The following PPP1R3A variants were observed in gnomAD, a reference collection of about 807,000 sequenced individuals.
PPP1R3A encodes RG1.
Under a neutral mutation model 41.7 loss-of-function variants are expected in PPP1R3A, and 29 were observed. The ratio of observed to expected loss-of-function variants is 0.70; its 90% CI spans 0.52 to 0.95. PPP1R3A has a LOEUF of 0.95. PPP1R3A is among the 40% of genes least tolerant of loss of function. The pLI is 0.00. For missense variants in PPP1R3A, 1,352 were observed against 1,292.4 expected (o/e 1.05, Z -0.71); for synonymous variants, 485 against 453.4 (o/e 1.07, Z -0.89).
chr7:113,894,304 G>A (rs1351274829), intron 1 of PPP1R3A, among the ~76,000 whole-genome samples: 1 of 151,952 alleles, frequency 6.6e-6, no homozygotes, highest in East Asian at 1.9e-4. Context: ...ATTACAACCT[G>A]CCAATCATAT....
intron 1 of PPP1R3A, among the ~76,000 whole-genome samples, chr7:113,887,901 G>A (rs1796813209): frequency 6.6e-6 from 1 of 152,006 alleles, no homozygotes; most frequent in Non-Finnish European, 1.5e-5. Context: ...CATGGTGGCA[G>A]GCACCTGTAA....
At chr7:113,886,280 G>A (rs974763564) in intron 1 of PPP1R3A, among the ~76,000 whole-genome samples, 1 of 152,086 alleles carries the variant, frequency 6.6e-6, no homozygotes, top group Admixed American at 6.6e-5. Context: ...AGAACCCAGA[G>A]GGAGGTGATT....
chr7:113,896,145 T>C (rs981197128), intron 1 of PPP1R3A, among the ~76,000 whole-genome samples: 3 of 151,952 alleles, frequency 2.0e-5, no homozygotes, highest in Admixed American at 6.6e-5. Context: ...CTTCTTAATA[T>C]GCAAATTATG....
At chr7:113,891,084 CAAAAAAA>C (rs11342726) in intron 1 of PPP1R3A, among the ~76,000 whole-genome samples, 2 of 79,788 alleles carry the variant, frequency 2.5e-5, no homozygotes, top group Non-Finnish European at 4.5e-5. Flanking sequence ...GGAAAAAAAG[CAAAAAAA>C]AAAAAAAAAA....
rs1209161741 is a variant in PPP1R3A, at chr7:113,916,624, T to C, written c.782+1591A>G. ...TTTATGAGCTTTTAGACAATAATGC[T>C]GCGCCTTTTCTAAATTTTGGTTTCT... On this transcript the variant is annotated intron_variant, in intron 1 of 3. Transcript: ENST00000284601. Among the ~76,000 whole-genome samples, 4 of 152,108 alleles carry C rather than the reference T, an allele frequency of 2.6e-5. No homozygotes were observed. The East Asian group carries it at 5.8e-4, about 22-fold the overall frequency.
intron 1 of PPP1R3A, among the ~76,000 whole-genome samples, chr7:113,903,401 C>T (rs76823247): frequency 4.0e-5 from 6 of 151,426 alleles, no homozygotes; most frequent in Non-Finnish European, 7.4e-5. Context: ...AAGGATGAAA[C>T]CCATGTTTTA....
intron 1 of PPP1R3A, among the ~76,000 whole-genome samples, chr7:113,903,551 C>G (rs547582030): frequency 1.3e-5 from 2 of 151,710 alleles, no homozygotes; most frequent in South Asian, 4.2e-4. Context: ...AATGAAGGAC[C>G]ATTCGTATAA....
In PPP1R3A at chr7:113,882,176, T is replaced by C. The variant is rs761298779; in HGVS notation, c.842-13A>G. On this transcript the variant is annotated splice_polypyrimidine_tract_variant and intron_variant, in intron 2 of 3. Transcript: ENST00000284601. ...GGGATATAGGTATCTGAAAAGTTAA[T>C]ATAATTGTGCCTATGTAAGATTGTT... 31 of 1,610,148 alleles carry C rather than the reference T, an allele frequency of 1.9e-5. No homozygotes were observed. The highest frequency in any genetic ancestry group is 2.4e-5 in the Non-Finnish European group (28 of 1,177,144).
At chr7:113,895,233 C>G (rs985086400) in intron 1 of PPP1R3A, among the ~76,000 whole-genome samples, 1 of 151,900 alleles carries the variant, frequency 6.6e-6, no homozygotes, top group Admixed American at 6.6e-5. Context: ...ATAGCCCTCC[C>G]ATTATCTGGA....
At chr7:113,881,361 A>C (rs2129113804) in intron 3 of PPP1R3A, among the ~76,000 whole-genome samples, 1 of 152,136 alleles carries the variant, frequency 6.6e-6, no homozygotes, top group East Asian at 1.9e-4. Context: ...GTAAAGGATA[A>C]ATTGCATTAT....
At chr7:113,881,196 C>A (rs940572994) in intron 3 of PPP1R3A, among the ~76,000 whole-genome samples, 1 of 151,996 alleles carries the variant, frequency 6.6e-6, no homozygotes, top group Non-Finnish European at 1.5e-5. Context: ...GATGCAGCTC[C>A]GCGATCACTA....
chr7:113,877,826 A>G lies in PPP1R3A; in HGVS notation c.3266T>C (p.Val1089Ala). ...GCCAATCATTAAGTCATAATGGTAG[A>G]CAGTTATAAGAAATATCAGAAACAA... is the stretch of plus-strand genomic sequence containing the variant. ...FLLFLIFLITVYHYDLMIGLT... is the reference protein window; with the variant it reads ...FLLFLIFLITAYHYDLMIGLT... Residue 1089 changes from valine (V) to alanine (A), a missense_variant, in exon 4 of 4, where the codon GTC becomes GCC. Transcript: ENST00000284601. 6 of 1,609,000 alleles carry G rather than the reference A, an allele frequency of 3.7e-6. No homozygotes were observed. Among genetic ancestry groups the G allele is most frequent in the South Asian group, 1.1e-5 (1 of 90,948 alleles).
chr7:113,886,340 G>A (rs1796784469), intron 1 of PPP1R3A, among the ~76,000 whole-genome samples: 2 of 151,994 alleles, frequency 1.3e-5, no homozygotes, highest in African/African-American at 4.8e-5. Context: ...TAGTAAATGA[G>A]TCTCATGAGA....
chr7:113,879,728 C>G lies in PPP1R3A; in HGVS notation c.1364G>C (p.Cys455Ser). The G allele has an allele frequency of 6.2e-7, 1 of 1,613,224 alleles. No homozygotes were observed. Among genetic ancestry groups the G allele is most frequent in the Non-Finnish European group, 8.5e-7 (1 of 1,179,678 alleles). Reference protein sequence around the residue: ...AHGNGTVQIPCPSSDQLMAGN... With the variant: ...AHGNGTVQIPSPSSDQLMAGN... ...TGCCATTAGTTGATCTGAAGAGGGG[C>G]AAGGTATTTGCACTGTGCCATTGCC... The change falls in exon 4 of 4, where the codon TGC becomes TCC. Residue 455 changes from cysteine (C) to serine (S), a missense_variant. Transcript: ENST00000284601.
rs1796627991 is a variant in PPP1R3A, at chr7:113,878,956, T to C, written c.2136A>G (p.Glu712=). The part of the protein sequence containing the change: ...LFTCQETVCC[E]LSSLADHGIT... ...TGCCATGATCAGCTAGAGAAGACAG[T>C]TCACAGCACACTGTTTCTTGGCAGG... Residue 712 remains glutamate (E), a synonymous_variant, in exon 4 of 4, where the codon GAA becomes GAG. Coordinates refer to ENST00000284601, the MANE Select transcript of PPP1R3A (RefSeq NM_002711.4). 1.9e-6 allele frequency: 3 copies of C among 1,613,280 alleles called. No homozygotes were observed. In the South Asian group the frequency reaches 3.3e-5, roughly 18 times the overall value.
chr7:113,882,157 T>C lies in PPP1R3A; in HGVS notation c.848A>G (p.Tyr283Cys). The C allele has an allele frequency of 1.2e-6, 2 of 1,611,410 alleles. No homozygotes were observed. The highest frequency in any genetic ancestry group is 1.7e-6 in the Non-Finnish European group (2 of 1,178,074). Residue 283 changes from tyrosine (Y) to cysteine (C), a missense_variant, in exon 3 of 4, where the codon TAT becomes TGT. Coordinates refer to ENST00000284601, the MANE Select transcript of PPP1R3A (RefSeq NM_002711.4). ...ATGAGAACAAATGATTGTTGGGATA[T>C]AGGTATCTGAAAAGTTAATATAATT... ...NFENPKNTDT[Y>C]IPTIICSHED...
chr7:113,877,620 G>T lies in PPP1R3A; in HGVS notation c.*103C>A. The T allele has an allele frequency of 7.3e-7, 1 of 1,361,682 alleles. No homozygotes were observed. Among genetic ancestry groups the T allele is most frequent in the Non-Finnish European group, 9.9e-7 (1 of 1,008,246 alleles). 84.3% of individuals were successfully genotyped at this position (1,361,682 alleles called of 1,614,324 possible). A position where few individuals can be genotyped will look rare whatever the true frequency, so the allele number is the denominator to read the frequency against. On this transcript the variant is annotated 3_prime_UTR_variant, in exon 4 of 4. Coordinates refer to ENST00000284601, the MANE Select transcript of PPP1R3A (RefSeq NM_002711.4). ...TCCCTTTTTAAATGATCCTTCAAGAGAAAAACTGCACTGGATCTTTGAACA... is the reference window on the plus strand; with the variant it reads ...TCCCTTTTTAAATGATCCTTCAAGATAAAAACTGCACTGGATCTTTGAACA...
chr7:113,910,444 A>G (rs186914954), intron 1 of PPP1R3A, among the ~76,000 whole-genome samples: 15 of 152,200 alleles, frequency 9.9e-5, no homozygotes, highest in African/African-American at 3.6e-4. Flanking sequence ...AATACAATAA[A>G]CACAATAATC....
Position 113,881,567 on chromosome 7 carries a change from A to T in PPP1R3A, c.966+472T>A, listed in dbSNP as rs76338459. ...TATTTTCTTTTTACTTGGTAATTTA[A>T]TACTCTACAATGATATAGAACTTGG... On this transcript the variant is annotated intron_variant, in intron 3 of 3. Coordinates refer to ENST00000284601, the MANE Select transcript of PPP1R3A (RefSeq NM_002711.4). Among the ~76,000 whole-genome samples, 83 of 152,156 alleles carry T rather than the reference A, an allele frequency of 5.5e-4. 1 individual carries two copies. In the East Asian group the frequency reaches 0.015, roughly 27 times the overall value.
Sources: gnomAD v4.1 joint callset for allele counts (sites outside exome capture counted in the v4.1 genomes callset) on GRCh38, gnomAD v4.1.1 for gene constraint, MANE v1.5 for transcripts, NCBI Gene and HGNC (gene_info 2026-07-23, HGNC 2026-07-21) for gene names.